Variants in NFATC1 observed in about 807,000 individuals in gnomAD.
The protein encoded by NFATC1 is nuclear factor of activated T-cells, cytoplasmic 1.
Under a neutral mutation model 76.0 loss-of-function variants are expected in NFATC1, and 22 were observed. That is an observed-to-expected ratio of 0.29 (90% CI 0.21 to 0.41). The LOEUF (loss-of-function observed/expected upper bound fraction) is 0.41. Among genes scored for constraint, NFATC1 ranks in the 10% least tolerant of loss-of-function variants. The pLI, the probability that NFATC1 is intolerant of heterozygous loss-of-function variation, is 1.00. For missense variants in NFATC1, 1,357 were observed against 1,337.7 expected (o/e 1.01, Z -0.23); for synonymous variants, 704 against 613.1 (o/e 1.15, Z -2.19).
intron 1 of NFATC1, among the ~76,000 whole-genome samples, chr18:79,398,545 G>C (rs538524130): frequency 1.3e-5 from 2 of 152,198 alleles, no homozygotes; most frequent in South Asian, 2.1e-4. Context: ...GCGGGGGAAG[G>C]GGGGGCTCCT....
intron 8 of NFATC1, among the ~76,000 whole-genome samples, chr18:79,480,197 C>T (rs1341092584): frequency 6.6e-6 from 1 of 152,216 alleles, no homozygotes; most frequent in Non-Finnish European, 1.5e-5. Flanking sequence ...CCCCCAGCTC[C>T]CTGCAAATAG....
chr18:79,447,767 A>T (rs2087277446), intron 3 of NFATC1, among the ~76,000 whole-genome samples: 1 of 152,252 alleles, frequency 6.6e-6, no homozygotes, highest in African/African-American at 2.4e-5. Context: ...TTGCATATGG[A>T]ATCAGACTAT....
chr18:79,400,126 C>G, intron 1 of NFATC1: 4 of 804,780 alleles, frequency 5.0e-6, no homozygotes, highest in Middle Eastern at 5.7e-4. Flanking sequence ...CCCCTGCGGT[C>G]GCGCGCGCGC....
chr18:79,520,930 G>T (rs1172791085), intron 9 of NFATC1, among the ~76,000 whole-genome samples: 3 of 113,236 alleles, frequency 2.6e-5, no homozygotes, highest in Non-Finnish European at 3.6e-5. Context: ...TGTGTGTGTG[G>T]GAGGGAGCAT....
intron 9 of NFATC1, chr18:79,498,420 G>T (rs2089946211): frequency 6.6e-6 from 1 of 150,922 alleles, no homozygotes; most frequent in African/African-American, 2.4e-5. Flanking sequence ...CATTAGAGAG[G>T]CTGAACAACA....
At chr18:79,517,584 G>A (rs566305329) in intron 9 of NFATC1, among the ~76,000 whole-genome samples, 12 of 152,324 alleles carry the variant, frequency 7.9e-5, no homozygotes, top group South Asian at 2.1e-4. Flanking sequence ...GCATCACGAC[G>A]GCCTTTTTTG....
intron 7 of NFATC1, among the ~76,000 whole-genome samples, chr18:79,462,717 A>G (rs558981716): frequency 2.0e-5 from 3 of 152,018 alleles, no homozygotes; most frequent in Admixed American, 6.5e-5. Flanking sequence ...AAGATGCCAC[A>G]TGGCTCACAA....
rs189464186 is a variant in NFATC1, at chr18:79,524,218, G to A, written c.2783-3310G>A. Among the ~76,000 whole-genome samples, 393 of 152,290 alleles carry A rather than the reference G, an allele frequency of 2.6e-3. 3 individuals carry two copies. Among genetic ancestry groups the A allele is most frequent in the African/African-American group, 9.1e-3 (378 of 41,560 alleles). The stretch of plus-strand genomic sequence containing the variant: ...CAGCCCAGCGCCAGCGAGCCACATG[G>A]CCTCAGACCAACCCCAGGATGGGCC... On this transcript the variant is annotated intron_variant, in intron 9 of 9. Coordinates refer to ENST00000427363, the MANE Select transcript of NFATC1 (RefSeq NM_001278669.2). The surrounding 1 kb of genome is among the most constrained non-coding windows in gnomAD (Gnocchi z 7.2).
intron 8 of NFATC1, among the ~76,000 whole-genome samples, chr18:79,471,658 G>A (rs2088791861): frequency 1.3e-5 from 2 of 152,172 alleles, no homozygotes; most frequent in South Asian, 4.1e-4. Flanking sequence ...CCCTTTCGTG[G>A]CCAGAGCCCC....
rs1055648344 is a variant in NFATC1, at chr18:79,524,508, G to A, written c.2783-3020G>A. Among the ~76,000 whole-genome samples, 7 of 152,326 alleles carry A rather than the reference G, an allele frequency of 4.6e-5. No individual in the cohort carries two copies. Among genetic ancestry groups the A allele is most frequent in the South Asian group, 2.1e-4 (1 of 4,832 alleles). Reference sequence around the variant, plus strand: ...CTGGGCTGTGTCTGGTCCCGGCCACGCGTCCCTGCAGCGTCTGAGACCTTG... The same window carrying A: ...CTGGGCTGTGTCTGGTCCCGGCCACACGTCCCTGCAGCGTCTGAGACCTTG... On this transcript the variant is annotated intron_variant, in intron 9 of 9. Transcript: ENST00000427363. The surrounding 1 kb of genome is among the most constrained non-coding windows in gnomAD (Gnocchi z 7.2).
intron 9 of NFATC1, among the ~76,000 whole-genome samples, chr18:79,500,118 C>G (rs1293422495): frequency 2.6e-5 from 4 of 152,116 alleles, no homozygotes; most frequent in Non-Finnish European, 4.4e-5. Context: ...ACCAACTTTA[C>G]AAGACATCTG....
Position 79,520,809 on chromosome 18 carries a change from GTGTC to G in NFATC1, c.2783-6715_2783-6712del, listed in dbSNP as rs56212471. 4.3e-3 allele frequency among the ~76,000 whole-genome samples: 196 copies of G among 45,888 alleles called. 3 individuals carry two copies. Among genetic ancestry groups the G allele is most frequent in the Non-Finnish European group, 6.7e-3 (160 of 24,056 alleles). 30.1% of individuals were successfully genotyped at this position (45,888 alleles called of 152,430 possible). On this transcript the variant is annotated intron_variant, in intron 9 of 9. Coordinates refer to ENST00000427363, the MANE Select transcript of NFATC1 (RefSeq NM_001278669.2). ...TGTGGGGGGGCATCCACTGATGTGT[GTGTC>G]TGTGTGTGGGGGGGGGCATCCACTG...
rs1457634458 is a variant in NFATC1, at chr18:79,474,037, T to C, written c.2092+6455T>C. On this transcript the variant is annotated intron_variant, in intron 8 of 9. Coordinates refer to ENST00000427363, the MANE Select transcript of NFATC1 (RefSeq NM_001278669.2). ...TCGACGTAAACCTGAGGGAAGCGTGTTCTCACGCTCGCTGTCAACGTAAAC... is the reference window on the plus strand; with the variant it reads ...TCGACGTAAACCTGAGGGAAGCGTGCTCTCACGCTCGCTGTCAACGTAAAC... Among the ~76,000 whole-genome samples, 3 of 142,804 alleles carry C rather than the reference T, an allele frequency of 2.1e-5. No homozygotes were observed. The East Asian group carries it at 6.6e-4, about 31-fold the overall frequency. The allele number at this position is 142,804 out of a possible 152,430, so 93.7% of individuals were successfully genotyped here. A position where few individuals can be genotyped will look rare whatever the true frequency, so the allele number is the denominator to read the frequency against.
rs1327220306 is a variant in NFATC1 at position 79,448,913 on chromosome 18, C to T, written c.1518C>T (p.Ser506=). 2 of 1,613,854 alleles carry T rather than the reference C, an allele frequency of 1.2e-6. No homozygotes were observed. Among genetic ancestry groups the T allele is most frequent in the South Asian group, 1.1e-5 (1 of 91,086 alleles). The stretch of plus-strand genomic sequence containing the variant: ...CAGGGAAGACCGTGTCCACCACCAG[C>T]CACGAGGCCATCCTCTCCAACACCA... ...RITGKTVSTT[S]HEAILSNTKV... The change falls in exon 4 of 10, where the codon AGC becomes AGT. Residue 506 remains serine (S), a synonymous_variant. Coordinates refer to ENST00000427363, the MANE Select transcript of NFATC1 (RefSeq NM_001278669.2).
chr18:79,493,811 ATCAT>A (rs933305266), intron 9 of NFATC1: 2 of 152,236 alleles, frequency 1.3e-5, no homozygotes, highest in African/African-American at 4.8e-5. Context: ...AGCCGTGCAA[ATCAT>A]TCATCGGGGT....
chr18:79,466,536 C>T (rs2088504544), intron 7 of NFATC1, among the ~76,000 whole-genome samples: 1 of 152,172 alleles, frequency 6.6e-6, no homozygotes, highest in South Asian at 2.1e-4. Context: ...CAGCGCCACA[C>T]GTCCCATGGC....
At chr18:79,480,351 C>A (rs1232518170) in intron 8 of NFATC1, among the ~76,000 whole-genome samples, 1 of 152,116 alleles carries the variant, frequency 6.6e-6, no homozygotes, top group African/African-American at 2.4e-5. Context: ...GAGCTGCCAA[C>A]CTGGCGGGGT....
chr18:79,509,423 G>T (rs1487772670), intron 9 of NFATC1, among the ~76,000 whole-genome samples: 1 of 152,246 alleles, frequency 6.6e-6, no homozygotes, highest in Non-Finnish European at 1.5e-5. Flanking sequence ...GATGTGGACA[G>T]TGGGCGGCGA....
At position 79,476,910 on chromosome 18, in the gene NFATC1, C is replaced by T. The variant is rs115371070; in HGVS notation, c.2092+9328C>T. Reference sequence around the variant, plus strand: ...GCCTTCCTGGAAACCTTGGAACGCGCTTCAGCAGAAACTCCAGTGAAGAGT... The same window carrying T: ...GCCTTCCTGGAAACCTTGGAACGCGTTTCAGCAGAAACTCCAGTGAAGAGT... On this transcript the variant is annotated intron_variant, in intron 8 of 9. Coordinates refer to ENST00000427363, the MANE Select transcript of NFATC1 (RefSeq NM_001278669.2). 3.4e-3 allele frequency among the ~76,000 whole-genome samples: 524 copies of T among 152,326 alleles called. 6 individuals are homozygous for T. Among genetic ancestry groups the T allele is most frequent in the African/African-American group, 9.0e-3 (376 of 41,574 alleles).
Sources: allele counts gnomAD v4.1 joint callset (sites outside exome capture counted in the v4.1 genomes callset), GRCh38; gene constraint gnomAD v4.1.1; non-coding constraint Gnocchi (gnomAD v3.1); transcripts MANE v1.5; gene names NCBI Gene and HGNC (gene_info 2026-07-23, HGNC 2026-07-21).